The following FGGY variants were observed in gnomAD, a reference collection of about 807,000 sequenced individuals.
The protein encoded by FGGY is FGGY carbohydrate kinase domain containing.
In FGGY, 72 loss-of-function variants were observed where a neutral mutation model predicts 71.3. The ratio of observed to expected loss-of-function variants is 1.01; its 90% CI spans 0.84 to 1.23. The LOEUF (loss-of-function observed/expected upper bound fraction) is 1.23. Ranked by LOEUF, FGGY falls within the 50% of genes most tolerant of loss-of-function variation. The pLI, the probability that FGGY is intolerant of heterozygous loss-of-function variation, is 0.00. For missense variants in FGGY, 668 were observed against 682.3 expected (o/e 0.98, Z 0.23); for synonymous variants, 251 against 250.3 (o/e 1.00, Z -0.02).
At chr1:59,727,290 C>T (rs185644150) in intron 14 of FGGY, among the ~76,000 whole-genome samples, 87 of 152,206 alleles carry the variant, frequency 5.7e-4, no homozygotes, top group Admixed American at 1.9e-3. Context: ...TCCAGTCCAC[C>T]ATTGATGAAC....
chr1:59,574,709 T>C (rs190436971), intron 8 of FGGY, among the ~76,000 whole-genome samples: 14 of 152,334 alleles, frequency 9.2e-5, no homozygotes, highest in Admixed American at 8.5e-4. Flanking sequence ...ATTGCTTTTA[T>C]GAATTACATT....
intron 8 of FGGY, among the ~76,000 whole-genome samples, chr1:59,601,196 GA>G (rs2096574350): frequency 6.6e-6 from 1 of 152,128 alleles, no homozygotes; most frequent in East Asian, 1.9e-4. Flanking sequence ...TCCCTCCCAG[GA>G]CGACTGGCGC....
chr1:59,596,258 G>A (rs2096523314), intron 8 of FGGY, among the ~76,000 whole-genome samples: 1 of 151,570 alleles, frequency 6.6e-6, no homozygotes, highest in Non-Finnish European at 1.5e-5. Flanking sequence ...GGAGAAGAGG[G>A]AAAAGATACC....
At chr1:59,653,043 G>T (rs1291734233) in intron 11 of FGGY, among the ~76,000 whole-genome samples, 1 of 152,180 alleles carries the variant, frequency 6.6e-6, no homozygotes, top group Non-Finnish European at 1.5e-5. Context: ...CTGCTGGGGG[G>T]TGCCTCCCAG....
chr1:59,652,279 C>T (rs1377484672), intron 11 of FGGY, among the ~76,000 whole-genome samples: 1 of 146,204 alleles, frequency 6.8e-6, no homozygotes, highest in Non-Finnish European at 1.5e-5. Flanking sequence ...CTCTGTATTT[C>T]CTGAATCTGA....
intron 8 of FGGY, among the ~76,000 whole-genome samples, chr1:59,586,852 C>T (rs1299195478): frequency 1.3e-5 from 2 of 152,200 alleles, no homozygotes; most frequent in African/African-American, 4.8e-5. Flanking sequence ...GTCTACAGCT[C>T]CCAGCGTGAG....
intron 8 of FGGY, among the ~76,000 whole-genome samples, chr1:59,595,356 C>T (rs902452062): frequency 6.6e-6 from 1 of 151,994 alleles, no homozygotes; most frequent in African/African-American, 2.4e-5. Flanking sequence ...TTATAATTGG[C>T]ACAGGTTGCT....
At position 59,536,812 on chromosome 1, in the gene FGGY, A is replaced by T. The variant is rs1393530583; in HGVS notation, c.800-17312A>T. 2.6e-5 allele frequency among the ~76,000 whole-genome samples: 4 copies of T among 152,044 alleles called. No individual in the cohort carries two copies. In the South Asian group the frequency reaches 6.2e-4, roughly 24 times the overall value. On this transcript the variant is annotated intron_variant, in intron 7 of 15. Coordinates refer to ENST00000303721, the MANE Select transcript of FGGY (RefSeq NM_018291.5). ...AATTCAACAACCCTTCATGCTAAAA[A>T]CTCTCAATAAATTAGATATTGATGG...
intron 5 of FGGY, among the ~76,000 whole-genome samples, chr1:59,422,773 T>G (rs2065686151): frequency 6.6e-6 from 1 of 151,430 alleles, no homozygotes; most frequent in African/African-American, 2.4e-5. Context: ...TAGGTAAATA[T>G]TAATAAATGG....
Position 59,321,732 on chromosome 1 carries a change from G to T in FGGY, c.183G>T (p.Ala61=), listed in dbSNP as rs199810745. ...AGTCCTCCGAGGACATCTGGGCTGC[G>T]TGCTGTGTTGTCACAAAGGTATGGG... is the stretch of plus-strand genomic sequence containing the variant. ...HEQSSEDIWA[A]CCVVTKKVVQ... is the part of the protein sequence containing the mutation. The change falls in exon 2 of 16, where the codon GCG becomes GCT. Residue 61 remains alanine (A), a synonymous_variant. Transcript: ENST00000303721. 1.2e-6 allele frequency: 2 copies of T among 1,610,924 alleles called. No homozygotes were observed. The highest frequency in any genetic ancestry group is 1.7e-6 in the Non-Finnish European group (2 of 1,178,874).
intron 3 of FGGY, 117 bp downstream of exon 3, chr1:59,340,186 A>G (rs1255380122): frequency 4.4e-6 from 3 of 677,540 alleles, no homozygotes; most frequent in East Asian, 5.5e-5. Flanking sequence ...ATTTAGAGGT[A>G]GAGTGAAGTG....
chr1:59,402,500 A>C (rs1032937047), intron 5 of FGGY, among the ~76,000 whole-genome samples: 1 of 152,248 alleles, frequency 6.6e-6, no homozygotes, highest in African/African-American at 2.4e-5. Context: ...GTTGCATAGT[A>C]GACATTTGGT....
chr1:59,665,757 T>G (rs1350404969), intron 12 of FGGY, among the ~76,000 whole-genome samples: 1 of 151,302 alleles, frequency 6.6e-6, no homozygotes, highest in African/African-American at 2.4e-5. Flanking sequence ...CACTGCAAGC[T>G]CCACCTCCCA....
chr1:59,534,396 A>C (rs982075517), intron 7 of FGGY, among the ~76,000 whole-genome samples: 36 of 152,048 alleles, frequency 2.4e-4, no homozygotes, highest in South Asian at 4.1e-4. Flanking sequence ...AACCAAGTTG[A>C]AAAACACTCT....
chr1:59,721,186 A>T (rs1365819265), intron 14 of FGGY, among the ~76,000 whole-genome samples: 5 of 151,958 alleles, frequency 3.3e-5, no homozygotes, highest in Non-Finnish European at 5.9e-5. Flanking sequence ...AGTACTTACC[A>T]CCATCTGTGT....
At chr1:59,648,608 C>A (rs1004003257) in intron 11 of FGGY, among the ~76,000 whole-genome samples, 40 of 148,628 alleles carry the variant, frequency 2.7e-4, no homozygotes, top group African/African-American at 1.0e-3. Flanking sequence ...TTGTTTTTTT[C>A]TTGTAAATTT....
intron 8 of FGGY, among the ~76,000 whole-genome samples, chr1:59,597,990 T>C (rs979396919): frequency 6.6e-6 from 1 of 152,216 alleles, no homozygotes; most frequent in African/African-American, 2.4e-5. Flanking sequence ...AGACTGCAAC[T>C]GATGAGTATT....
chr1:59,416,410 A>C (rs903138937), intron 5 of FGGY, among the ~76,000 whole-genome samples: 5 of 152,198 alleles, frequency 3.3e-5, no homozygotes, highest in East Asian at 3.8e-4. Flanking sequence ...AAAAAGTTTG[A>C]GAGTGATTTA....
intron 14 of FGGY, among the ~76,000 whole-genome samples, chr1:59,691,807 A>G (rs1052900254): frequency 1.3e-5 from 2 of 152,028 alleles, no homozygotes; most frequent in African/African-American, 2.4e-5. Flanking sequence ...AATTCCATTT[A>G]TGTCATTGGA....
Sources: allele counts gnomAD v4.1 joint callset (sites outside exome capture counted in the v4.1 genomes callset), GRCh38; gene constraint gnomAD v4.1.1; transcripts MANE v1.5; gene names NCBI Gene and HGNC (gene_info 2026-07-23, HGNC 2026-07-21).